Variants in SGCD observed in about 807,000 individuals in gnomAD.
SGCD encodes the protein sarcoglycan delta.
SGCD carries 18 observed loss-of-function variants against 36.6 expected under a neutral mutation model. The ratio of observed to expected loss-of-function variants is 0.49; its 90% CI spans 0.34 to 0.73. SGCD has a LOEUF of 0.73. Among genes scored for constraint, SGCD ranks in the 30% least tolerant of loss-of-function variants. The pLI, the probability that SGCD is intolerant of heterozygous loss-of-function variation, is 0.01. For synonymous variants in SGCD, 133 were observed against 130.6 expected, an observed-to-expected ratio of 1.02 and a Z score of -0.12; for missense variants, 387 against 346.7, an observed-to-expected ratio of 1.12 and a Z score of -0.92.
At chr5:155,833,084 G>T in the SGCD span, among the ~76,000 whole-genome samples, 270 of 147,578 alleles carry the variant, frequency 1.8e-3, 3 homozygotes, top group African/African-American at 5.4e-3. Flanking sequence ...AAAAAAATTA[G>T]CCAGGCATGG....
At chr5:155,996,412 G>A (rs1758545834) in intron 1 of SGCD, among the ~76,000 whole-genome samples, 1 of 152,126 alleles carries the variant, frequency 6.6e-6, no homozygotes, top group African/African-American at 2.4e-5. Flanking sequence ...AGCCAGCAGT[G>A]TGTCCTCTTT....
intron 3 of SGCD, among the ~76,000 whole-genome samples, chr5:156,289,463 C>T (rs1278868159): frequency 2.6e-5 from 4 of 151,922 alleles, no homozygotes; most frequent in African/African-American, 9.7e-5. Context: ...ACCTCCACCC[C>T]TCACCCCCCA....
At chr5:156,601,669 A>G (rs1440947487) in intron 6 of SGCD, among the ~76,000 whole-genome samples, 1 of 151,774 alleles carries the variant, frequency 6.6e-6, no homozygotes, top group Non-Finnish European at 1.5e-5. Flanking sequence ...GAATAATGTC[A>G]TTGGGTTTTT....
the SGCD span, among the ~76,000 whole-genome samples, chr5:155,805,510 T>C: frequency 2.0e-5 from 3 of 152,210 alleles, no homozygotes; most frequent in Non-Finnish European, 4.4e-5. Context: ...AATATTTCCT[T>C]TGGGGGTCTG....
At chr5:156,599,532 T>G (rs1761081672) in intron 6 of SGCD, among the ~76,000 whole-genome samples, 1 of 152,214 alleles carries the variant, frequency 6.6e-6, no homozygotes, top group Non-Finnish European at 1.5e-5. Context: ...GTAGCTTTAC[T>G]TGTGGATTCA....
chr5:156,450,401 C>T (rs1753954818), intron 3 of SGCD, among the ~76,000 whole-genome samples: 1 of 151,840 alleles, frequency 6.6e-6, no homozygotes, highest in Non-Finnish European at 1.5e-5. Flanking sequence ...AGTAAAGCTG[C>T]CAAAGGCAGG....
intron 3 of SGCD, among the ~76,000 whole-genome samples, chr5:156,377,974 A>G (rs1027046062): frequency 3.3e-5 from 5 of 152,140 alleles, no homozygotes; most frequent in Admixed American, 1.3e-4. Context: ...TATTTCTCCT[A>G]TGATTTAGCA....
chr5:156,268,010 CCA>C (rs1423808029), intron 3 of SGCD, among the ~76,000 whole-genome samples: 1 of 152,174 alleles, frequency 6.6e-6, no homozygotes, highest in Non-Finnish European at 1.5e-5. Context: ...CACGTAGACC[CCA>C]GTGTCTGCTG....
intron 3 of SGCD, among the ~76,000 whole-genome samples, chr5:156,136,001 A>G (rs1281200783): frequency 3.9e-5 from 6 of 152,320 alleles, no homozygotes; most frequent in East Asian, 1.9e-4. Flanking sequence ...ACTCATTACT[A>G]TAATAAAGGT....
At chr5:156,230,978 T>C (rs1180159714) in intron 3 of SGCD, among the ~76,000 whole-genome samples, 1 of 152,140 alleles carries the variant, frequency 6.6e-6, no homozygotes, top group Non-Finnish European at 1.5e-5. Flanking sequence ...CTTCTCAACG[T>C]TAAGGATACA....
intron 3 of SGCD, among the ~76,000 whole-genome samples, chr5:156,290,202 T>C (rs773029046): frequency 2.6e-5 from 4 of 152,092 alleles, no homozygotes; most frequent in African/African-American, 4.8e-5. Flanking sequence ...TATTTTACAG[T>C]TGAGAACACT....
At chr5:156,423,286 TTTA>T (rs1456508896) in intron 3 of SGCD, among the ~76,000 whole-genome samples, 1 of 120,524 alleles carries the variant, frequency 8.3e-6, no homozygotes, top group African/African-American at 3.3e-5. Context: ...TATATTATAT[TTTA>T]TTATAATATA....
Position 156,761,767 on chromosome 5 carries a change from G to A in SGCD, c.*2377G>A, listed in dbSNP as rs1210632639. ...TGAAGGAATGAGATTAGCACCACAA[G>A]TTTCATGCCAATAAAAGAGACTGGT... On this transcript the variant is annotated 3_prime_UTR_variant, in exon 9 of 9. Transcript: ENST00000337851. 3 of 152,104 alleles carry A rather than the reference G, an allele frequency of 2.0e-5. No homozygotes were observed. The highest frequency in any genetic ancestry group is 2.9e-5 in the Non-Finnish European group (2 of 68,024). 9.4% of individuals were successfully genotyped at this position (152,104 alleles called of 1,614,324 possible).
chr5:156,004,293 A>G (rs1202972416), intron 1 of SGCD, among the ~76,000 whole-genome samples: 4 of 152,188 alleles, frequency 2.6e-5, no homozygotes, highest in African/African-American at 4.8e-5. Context: ...CAACATTTGT[A>G]ACATGCTTCT....
chr5:156,429,265 C>CTTT (rs3074973), intron 3 of SGCD, among the ~76,000 whole-genome samples: 3,155 of 123,684 alleles, frequency 0.026, 132 homozygotes, highest in African/African-American at 0.083. Flanking sequence ...CCCTCATTGT[C>CTTT]TTTTTTTTTT....
At chr5:155,978,247 A>G (rs2127561512) in intron 1 of SGCD, among the ~76,000 whole-genome samples, 1 of 152,354 alleles carries the variant, frequency 6.6e-6, no homozygotes, top group East Asian at 1.9e-4. Context: ...ATTTTACATA[A>G]TCATCACATT....
chr5:156,452,917 GGA>G (rs1754083945), intron 3 of SGCD, among the ~76,000 whole-genome samples: 1 of 152,106 alleles, frequency 6.6e-6, no homozygotes, highest in African/African-American at 2.4e-5. Flanking sequence ...AAAAATGATT[GGA>G]GATAGAGTGA....
At chr5:155,908,023 C>T (rs972822368) in intron 1 of SGCD, among the ~76,000 whole-genome samples, 3 of 152,170 alleles carry the variant, frequency 2.0e-5, no homozygotes, top group Non-Finnish European at 4.4e-5. Context: ...TCTGATCAGT[C>T]ACCAACCATC....
chr5:156,223,643 C>G (rs1192180037), intron 3 of SGCD, among the ~76,000 whole-genome samples: 2 of 151,842 alleles, frequency 1.3e-5, no homozygotes, highest in African/African-American at 2.4e-5. Context: ...ATAATGAGGG[C>G]CAGAATGCTG....
Sources: gnomAD v4.1 joint callset for allele counts (sites outside exome capture counted in the v4.1 genomes callset) on GRCh38, gnomAD v4.1.1 for gene constraint, MANE v1.5 for transcripts, NCBI Gene and HGNC (gene_info 2026-07-23, HGNC 2026-07-21) for gene names.